SLCO5A1: variants seen among roughly 807,000 people sequenced by gnomAD.
SLCO5A1 encodes the protein organic anion transporter polypeptide-related protein 4.
A neutral mutation model predicts 65.1 loss-of-function variants in SLCO5A1; 39 were observed. The ratio of observed to expected loss-of-function variants is 0.60; its 90% CI spans 0.46 to 0.78. The LOEUF (loss-of-function observed/expected upper bound fraction) is 0.78. Ranked by LOEUF, SLCO5A1 falls within the 30% of genes least tolerant of loss-of-function variation. The pLI, the probability that SLCO5A1 is intolerant of heterozygous loss-of-function variation, is 0.00. For missense variants in SLCO5A1, 1,029 were observed against 1,069.4 expected, an observed-to-expected ratio of 0.96 and a Z score of 0.53; for synonymous variants, 438 against 415.7, an observed-to-expected ratio of 1.05 and a Z score of -0.65.
At chr8:69,764,067 G>A (rs565418204) in intron 2 of SLCO5A1, among the ~76,000 whole-genome samples, 20 of 152,150 alleles carry the variant, frequency 1.3e-4, no homozygotes, top group South Asian at 2.1e-4. Flanking sequence ...GTTTTACCAC[G>A]TTGGCCATAC....
At chr8:69,758,716 A>G (rs913235971) in intron 3 of SLCO5A1, among the ~76,000 whole-genome samples, 5 of 152,196 alleles carry the variant, frequency 3.3e-5, no homozygotes, top group Non-Finnish European at 7.3e-5. Flanking sequence ...AATAACATCG[A>G]TACAACACAT....
At chr8:69,772,920 C>T in intron 2 of SLCO5A1, 3 of 985,294 alleles carry the variant, frequency 3.0e-6, no homozygotes, top group Non-Finnish European at 3.6e-6. Flanking sequence ...GTAAAACTCA[C>T]CATGATCCAA....
At chr8:69,824,644 C>T (rs1345081415) in intron 2 of SLCO5A1, among the ~76,000 whole-genome samples, 2 of 152,120 alleles carry the variant, frequency 1.3e-5, no homozygotes, top group African/African-American at 2.4e-5. Context: ...AATAGCCTAC[C>T]AACCAAAAAG....
At chr8:69,723,833 C>T (rs545562547) in intron 5 of SLCO5A1, among the ~76,000 whole-genome samples, 8 of 145,978 alleles carry the variant, frequency 5.5e-5, no homozygotes, top group African/African-American at 1.3e-4. Context: ...GGTGCAATGG[C>T]GCAATCTCGG....
chr8:69,781,892 G>C (rs1299874132), intron 2 of SLCO5A1, among the ~76,000 whole-genome samples: 3 of 152,064 alleles, frequency 2.0e-5, no homozygotes, highest in Admixed American at 2.0e-4. Flanking sequence ...CCCGACCTCA[G>C]GCGATCTGCC....
At chr8:69,784,411 G>C (rs1818922331) in intron 2 of SLCO5A1, among the ~76,000 whole-genome samples, 1 of 152,198 alleles carries the variant, frequency 6.6e-6, no homozygotes, top group South Asian at 2.1e-4. Context: ...AGGATGTGGA[G>C]CAACTAGAAC....
chr8:69,703,119 AAAAAAG>A (rs200056300), intron 6 of SLCO5A1, among the ~76,000 whole-genome samples: 38,516 of 145,916 alleles, frequency 0.26, 5,042 homozygotes, highest in South Asian at 0.36. Context: ...TCAAAAAAAA[AAAAAAG>A]AAAAAAGAAA....
chr8:69,828,241 A>G (rs535160471), intron 2 of SLCO5A1, among the ~76,000 whole-genome samples: 7 of 149,900 alleles, frequency 4.7e-5, no homozygotes, highest in African/African-American at 1.5e-4. Flanking sequence ...TTCTTAAAGA[A>G]TGTGTTCTAA....
At chr8:69,827,929 ACT>A (rs1820990445) in intron 2 of SLCO5A1, among the ~76,000 whole-genome samples, 1 of 151,634 alleles carries the variant, frequency 6.6e-6, no homozygotes, top group Admixed American at 6.6e-5. Context: ...CTGTTGGAAA[ACT>A]CTGTTGAACG....
At chr8:69,803,999 G>A (rs1266164375) in intron 2 of SLCO5A1, among the ~76,000 whole-genome samples, 4 of 152,144 alleles carry the variant, frequency 2.6e-5, no homozygotes, top group African/African-American at 9.7e-5. Flanking sequence ...CCACTGGGGA[G>A]AGGGAAAGGA....
intron 2 of SLCO5A1, among the ~76,000 whole-genome samples, chr8:69,777,553 T>C (rs900678513): frequency 2.6e-5 from 4 of 152,054 alleles, no homozygotes; most frequent in Non-Finnish European, 4.4e-5. Flanking sequence ...TTATCCTTGG[T>C]TTCACTTTCC....
At chr8:69,715,854 CTACT>C (rs1002646994) in intron 5 of SLCO5A1, among the ~76,000 whole-genome samples, 8 of 152,058 alleles carry the variant, frequency 5.3e-5, no homozygotes, top group Admixed American at 6.6e-5. Context: ...CACAATTTGC[CTACT>C]TAAAGTGTAC....
intron 2 of SLCO5A1, among the ~76,000 whole-genome samples, chr8:69,764,196 G>A (rs1474872325): frequency 6.6e-6 from 1 of 152,162 alleles, no homozygotes; most frequent in Non-Finnish European, 1.5e-5. Context: ...TGTGTACAAG[G>A]CCTGGTAACA....
chr8:69,821,021 T>G (rs1365136747), intron 2 of SLCO5A1, among the ~76,000 whole-genome samples: 1 of 152,178 alleles, frequency 6.6e-6, no homozygotes, highest in African/African-American at 2.4e-5. Flanking sequence ...GTGCTCTTTC[T>G]AAGGCATGGG....
At chr8:69,823,509 A>C (rs1047282817) in intron 2 of SLCO5A1, among the ~76,000 whole-genome samples, 5 of 152,214 alleles carry the variant, frequency 3.3e-5, no homozygotes, top group Admixed American at 2.0e-4. Flanking sequence ...TAAACCAGCA[A>C]AGATCAAAAG....
chr8:69,738,198 G>T lies in SLCO5A1; in HGVS notation c.1265C>A (p.Pro422Gln), dbSNP rs754260094. Residue 422 changes from proline to glutamine, a missense_variant, in exon 5 of 10, where the codon CCA (proline) becomes CAA (glutamine). Physicochemically the swap from Pro to Gln is moderately conservative, Grantham distance 76. Transcript: ENST00000260126. ...GCTTAAGATCCTGACAGCTGCTCTT[G>T]GTAGGTCTACAAAATGACAAAAATG... is the stretch of plus-strand genomic sequence containing the variant. ...MGFGKDVRDLPRAAVRILSNM... is the reference protein window; with the variant it reads ...MGFGKDVRDLQRAAVRILSNM... 6.3e-7 allele frequency: 1 copy of T among 1,598,028 alleles called. No homozygotes were observed. The highest frequency in any genetic ancestry group is 8.5e-7 in the Non-Finnish European group (1 of 1,171,202).
chr8:69,779,949 CCAA>C (rs1818726688), intron 2 of SLCO5A1, among the ~76,000 whole-genome samples: 1 of 151,722 alleles, frequency 6.6e-6, no homozygotes, highest in Admixed American at 6.6e-5. Context: ...GGAACTCAAC[CCAA>C]CAACAACAAA....
At chr8:69,819,849 A>C (rs1353895477) in intron 2 of SLCO5A1, among the ~76,000 whole-genome samples, 4 of 152,278 alleles carry the variant, frequency 2.6e-5, no homozygotes, top group Admixed American at 1.3e-4. Context: ...GTAGTCCCAG[A>C]TACTCAGGGA....
chr8:69,773,215 G>A (rs1426540956), intron 2 of SLCO5A1, among the ~76,000 whole-genome samples: 1 of 152,202 alleles, frequency 6.6e-6, no homozygotes, highest in Non-Finnish European at 1.5e-5. Context: ...CTGCATGCAG[G>A]CTGCCAGTCC....
Sources: gnomAD v4.1 joint callset for allele counts (sites outside exome capture counted in the v4.1 genomes callset) on GRCh38, gnomAD v4.1.1 for gene constraint, MANE v1.5 for transcripts, NCBI Gene and HGNC (gene_info 2026-07-23, HGNC 2026-07-21) for gene names.